Variants in MCTP1 observed in about 807,000 individuals in gnomAD.
MCTP1 encodes multiple C2 and transmembrane domain containing 1, also known as multiple C2 and transmembrane domain-containing protein 1.
A neutral mutation model predicts 120.6 loss-of-function variants in MCTP1; 69 were observed. That is an observed-to-expected ratio of 0.57 (90% CI 0.47 to 0.70). The LOEUF (loss-of-function observed/expected upper bound fraction) is 0.70. MCTP1 is among the 30% of genes least tolerant of loss of function. MCTP1 has a pLI of 0.00. For missense variants in MCTP1, 1,203 were observed against 1,248.8 expected, an observed-to-expected ratio of 0.96 and a Z score of 0.55; for synonymous variants, 529 against 493.1, an observed-to-expected ratio of 1.07 and a Z score of -0.96.
At chr5:94,954,477 G>C (rs1822060038) in intron 2 of MCTP1, among the ~76,000 whole-genome samples, 1 of 151,672 alleles carries the variant, frequency 6.6e-6, no homozygotes, top group Admixed American at 6.6e-5. Flanking sequence ...TTGGGTGATG[G>C]GTATTCTAAA....
intron 19 of MCTP1, among the ~76,000 whole-genome samples, chr5:94,716,352 G>C (rs1397361560): frequency 1.3e-5 from 2 of 151,368 alleles, no homozygotes; most frequent in East Asian, 3.9e-4. Flanking sequence ...CACTTGTCAT[G>C]ACAGACGTTG....
At position 94,888,949 on chromosome 5, in the gene MCTP1, G is replaced by A. The variant is rs763163641; in HGVS notation, c.1863C>T (p.Asn621=). The A allele has an allele frequency of 2.5e-6, 4 of 1,613,510 alleles. No homozygotes were observed. The highest frequency in any genetic ancestry group is 3.4e-6 in the Non-Finnish European group (4 of 1,179,616). ...CCTGGAGAAATCCCACATCTTTCAG[G>A]TTGTGAAATATCCTCAATGGGCTCT... The part of the protein sequence containing the change: ...KRYSPLRIFH[N]LKDVGFLQVK... The change falls in exon 12 of 23, where the codon AAC becomes AAT. Residue 621 remains asparagine, a synonymous_variant. Transcript: ENST00000515393.
intron 1 of MCTP1, among the ~76,000 whole-genome samples, chr5:95,172,287 C>G (rs972332056): frequency 6.6e-6 from 1 of 152,172 alleles, no homozygotes; most frequent in African/African-American, 2.4e-5. Context: ...CAGAGGGGTA[C>G]CTGGCCGTGT....
At chr5:95,085,342 A>G (rs998580760) in intron 1 of MCTP1, among the ~76,000 whole-genome samples, 8 of 152,038 alleles carry the variant, frequency 5.3e-5, no homozygotes, top group African/African-American at 1.9e-4. Context: ...ATATCCATAA[A>G]CAAGATATTA....
At chr5:94,815,825 A>G (rs1461240106) in intron 17 of MCTP1, among the ~76,000 whole-genome samples, 1 of 152,218 alleles carries the variant, frequency 6.6e-6, no homozygotes, top group Non-Finnish European at 1.5e-5. Context: ...CTCATTGTCA[A>G]TTAGAGCAAT....
At chr5:95,254,465 C>T (rs370902026) in intron 1 of MCTP1, among the ~76,000 whole-genome samples, 26 of 152,114 alleles carry the variant, frequency 1.7e-4, no homozygotes, top group African/African-American at 5.8e-4. Flanking sequence ...AGCCTGGCTC[C>T]AGAACCTACA....
intron 17 of MCTP1, among the ~76,000 whole-genome samples, chr5:94,843,917 G>T (rs143986454): frequency 5.1e-4 from 78 of 152,200 alleles, no homozygotes; most frequent in African/African-American, 1.8e-3. Context: ...TTTTTGTTTT[G>T]TTTTTGCTAT....
At chr5:95,025,231 T>C (rs115398520) in intron 1 of MCTP1, among the ~76,000 whole-genome samples, 2,564 of 152,036 alleles carry the variant, frequency 0.017, 68 homozygotes, top group African/African-American at 0.059. Flanking sequence ...TACTAACAAA[T>C]GAAATAAAAC....
At chr5:94,826,853 C>T (rs1342947807) in intron 17 of MCTP1, among the ~76,000 whole-genome samples, 1 of 117,710 alleles carries the variant, frequency 8.5e-6, no homozygotes, top group Non-Finnish European at 1.7e-5. Flanking sequence ...TTATTTTGAG[C>T]CTGTGTGTGT....
chr5:94,758,469 T>C (rs754116915), intron 19 of MCTP1, among the ~76,000 whole-genome samples: 6 of 151,864 alleles, frequency 4.0e-5, no homozygotes, highest in Non-Finnish European at 7.4e-5. Flanking sequence ...AGAGAAAAAA[T>C]AAAAATAAAG....
chr5:94,856,547 C>T (rs930305371), intron 17 of MCTP1, among the ~76,000 whole-genome samples: 27 of 151,436 alleles, frequency 1.8e-4, no homozygotes, highest in African/African-American at 6.5e-4. Context: ...TTGTGCATGG[C>T]ATGGACATGT....
At chr5:95,148,129 G>C (rs1738344754) in intron 1 of MCTP1, among the ~76,000 whole-genome samples, 1 of 152,126 alleles carries the variant, frequency 6.6e-6, no homozygotes. Flanking sequence ...CTGCCTTTAA[G>C]ATGTTTTGTT....
At chr5:95,091,645 T>A (rs1755852221) in intron 1 of MCTP1, among the ~76,000 whole-genome samples, 1 of 152,182 alleles carries the variant, frequency 6.6e-6, no homozygotes, top group African/African-American at 2.4e-5. Context: ...GTCTGGACAG[T>A]CCTGAGCTTT....
intron 11 of MCTP1, among the ~76,000 whole-genome samples, chr5:94,891,455 A>T (rs1802588191): frequency 1.3e-5 from 2 of 152,196 alleles, no homozygotes; most frequent in Admixed American, 1.3e-4. Context: ...GATGGGGAAT[A>T]GTTTTATCAA....
At chr5:95,029,907 C>T (rs183158425) in intron 1 of MCTP1, among the ~76,000 whole-genome samples, 33 of 152,344 alleles carry the variant, frequency 2.2e-4, no homozygotes, top group Non-Finnish European at 4.0e-4. Context: ...CACAAATATA[C>T]ACCACAACCT....
chr5:95,159,130 C>T (rs1367794464), intron 1 of MCTP1, among the ~76,000 whole-genome samples: 2 of 152,048 alleles, frequency 1.3e-5, no homozygotes, highest in Non-Finnish European at 2.9e-5. Context: ...GTCAAAGTAC[C>T]TGATTTTTGT....
intron 2 of MCTP1, among the ~76,000 whole-genome samples, chr5:95,006,386 T>C (rs926037144): frequency 6.6e-6 from 1 of 151,870 alleles, no homozygotes; most frequent in Non-Finnish European, 1.5e-5. Flanking sequence ...TATTAGAAGC[T>C]TAAGATCATA....
chr5:95,171,797 A>G (rs980243507), intron 1 of MCTP1, among the ~76,000 whole-genome samples: 1 of 150,402 alleles, frequency 6.6e-6, no homozygotes. Flanking sequence ...TGGTTAATCT[A>G]GTTAGCCATT....
At chr5:94,871,284 C>G (rs1797818703) in intron 14 of MCTP1, 31 bp downstream of exon 14, 1 of 1,276,990 alleles carries the variant, frequency 7.8e-7, no homozygotes, top group African/African-American at 1.5e-5. Context: ...AAAAGCAACA[C>G]AGAACAGTGT....
Sources: allele counts gnomAD v4.1 joint callset (sites outside exome capture counted in the v4.1 genomes callset), GRCh38; gene constraint gnomAD v4.1.1; transcripts MANE v1.5; gene names NCBI Gene and HGNC (gene_info 2026-07-23, HGNC 2026-07-21).